Variants in PPM1L observed in about 807,000 individuals in gnomAD.
PPM1L encodes the protein protein phosphatase 1L.
PPM1L carries 13 observed loss-of-function variants against 31.4 expected under a neutral mutation model. The observed-to-expected ratio is 0.41, with a 90% confidence interval of 0.27 to 0.66. The LOEUF (loss-of-function observed/expected upper bound fraction) is 0.66. Ranked by LOEUF, PPM1L falls within the 30% of genes least tolerant of loss-of-function variation. The pLI is 0.29. For missense variants in PPM1L, 326 were observed against 453.7 expected, an observed-to-expected ratio of 0.72 and a Z score of 2.56; for synonymous variants, 184 against 175.4, an observed-to-expected ratio of 1.05 and a Z score of -0.39.
In PPM1L at chr3:161,077,952, A is replaced by G. The variant is rs1720159797; in HGVS notation, c.*8795A>G. On this transcript the variant is annotated 3_prime_UTR_variant, in exon 4 of 4. Transcript: ENST00000498165. ...TATGCCAATGGCTTTTTAAATCCAAATAATACTAGTTATTGCCAAATTGCA... is the reference window on the plus strand; with the variant it reads ...TATGCCAATGGCTTTTTAAATCCAAGTAATACTAGTTATTGCCAAATTGCA... 1 of 152,228 alleles carries G rather than the reference A, an allele frequency of 6.6e-6. No homozygotes were observed. Among genetic ancestry groups the G allele is most frequent in the East Asian group, 1.9e-4 (1 of 5,196 alleles). 9.4% of individuals were successfully genotyped at this position (152,228 alleles called of 1,614,324 possible).
intron 2 of PPM1L, among the ~76,000 whole-genome samples, chr3:161,050,453 GT>G (rs1719237444): frequency 6.6e-6 from 1 of 151,938 alleles, no homozygotes; most frequent in African/African-American, 2.4e-5. Context: ...TTTCAGAAAA[GT>G]TTTTTTAAAA....
intron 1 of PPM1L, among the ~76,000 whole-genome samples, chr3:160,820,429 A>G (rs1713160131): frequency 1.3e-5 from 2 of 152,094 alleles, no homozygotes; most frequent in African/African-American, 4.8e-5. Flanking sequence ...AGAACCCCAT[A>G]TTCACAGTAC....
At chr3:161,066,437 C>T (rs1576626998) in intron 3 of PPM1L, among the ~76,000 whole-genome samples, 1 of 152,128 alleles carries the variant, frequency 6.6e-6, no homozygotes, top group Non-Finnish European at 1.5e-5. Flanking sequence ...TTGATAACTG[C>T]TATGGAAAGA....
intron 1 of PPM1L, among the ~76,000 whole-genome samples, chr3:160,895,790 A>G (rs1391230581): frequency 6.6e-6 from 1 of 152,212 alleles, no homozygotes; most frequent in Admixed American, 6.5e-5. Context: ...AAATTGAAAA[A>G]TGCAGTCTAA....
intron 2 of PPM1L, among the ~76,000 whole-genome samples, chr3:160,972,228 T>C (rs1559908714): frequency 2.6e-5 from 4 of 152,220 alleles, no homozygotes. Flanking sequence ...CTTTAAGTTT[T>C]AGGGTACATG....
At chr3:160,817,076 T>C (rs1052655641) in intron 1 of PPM1L, among the ~76,000 whole-genome samples, 15 of 152,062 alleles carry the variant, frequency 9.9e-5, no homozygotes, top group Non-Finnish European at 1.8e-4. Flanking sequence ...GAGGAAAACA[T>C]GTGGAGAGAA....
chr3:160,923,857 C>A (rs1382032760), intron 1 of PPM1L, among the ~76,000 whole-genome samples: 1 of 152,130 alleles, frequency 6.6e-6, no homozygotes, highest in East Asian at 1.9e-4. Context: ...CAGTCCTCTC[C>A]TTGGGCTCTG....
At chr3:161,037,764 G>A (rs1383804551) in intron 2 of PPM1L, among the ~76,000 whole-genome samples, 1 of 151,666 alleles carries the variant, frequency 6.6e-6, no homozygotes, top group African/African-American at 2.4e-5. Context: ...CTGACAGCTT[G>A]ACCACAAGCT....
chr3:160,830,387 G>C (rs532591739), intron 1 of PPM1L, among the ~76,000 whole-genome samples: 1 of 152,270 alleles, frequency 6.6e-6, no homozygotes, highest in African/African-American at 2.4e-5. Flanking sequence ...TGTATTAGTA[G>C]CAGTGACAAC....
chr3:160,821,934 A>G (rs909078556), intron 1 of PPM1L, among the ~76,000 whole-genome samples: 1 of 151,992 alleles, frequency 6.6e-6, no homozygotes, highest in Admixed American at 6.6e-5. Context: ...TATCTATATA[A>G]TTTCGTTTAA....
chr3:161,026,493 C>G, intron 2 of PPM1L, among the ~76,000 whole-genome samples: 1 of 152,046 alleles, frequency 6.6e-6, no homozygotes, highest in East Asian at 1.9e-4. Flanking sequence ...GTCAAGAGCT[C>G]AAGACCAGCC....
At chr3:160,928,474 T>C (rs1714674073) in intron 1 of PPM1L, among the ~76,000 whole-genome samples, 1 of 152,234 alleles carries the variant, frequency 6.6e-6, no homozygotes, top group Admixed American at 6.5e-5. Flanking sequence ...AGTATGGTAT[T>C]GCTGTAAGGA....
intron 1 of PPM1L, among the ~76,000 whole-genome samples, chr3:160,885,243 G>A (rs1712872550): frequency 6.6e-6 from 1 of 151,938 alleles, no homozygotes; most frequent in Non-Finnish European, 1.5e-5. Context: ...TTTTGGGTAA[G>A]AAAACCTTTT....
chr3:160,756,802 G>A lies in PPM1L; in HGVS notation c.399+95G>A, dbSNP rs538123695. 6.8e-5 allele frequency: 73 copies of A among 1,069,114 alleles called. No homozygotes were observed. The highest frequency in any genetic ancestry group is 2.8e-4 in the South Asian group (16 of 57,948). 66.2% of individuals were successfully genotyped at this position (1,069,114 alleles called of 1,614,324 possible). ...GTGTGTGTGTGTGTATAAACAACAGGACAGCGTGTGCGCAGCGGGAGAGGA... is the reference window on the plus strand; with the variant it reads ...GTGTGTGTGTGTGTATAAACAACAGAACAGCGTGTGCGCAGCGGGAGAGGA... On this transcript the variant is annotated intron_variant, in intron 1 of 3. Transcript: ENST00000498165. The surrounding 1 kb of genome is among the most constrained non-coding windows in gnomAD (Gnocchi z 6.2).
chr3:160,912,689 G>T (rs6809177), intron 1 of PPM1L, among the ~76,000 whole-genome samples: 61,482 of 152,108 alleles, frequency 0.4, 14,309 homozygotes, highest in Non-Finnish European at 0.54. Context: ...AGAAATTGAT[G>T]AAGAAGCGAT....
intron 2 of PPM1L, among the ~76,000 whole-genome samples, chr3:160,981,523 G>C (rs767175705): frequency 1.6e-4 from 24 of 152,250 alleles, no homozygotes; most frequent in Non-Finnish European, 2.9e-4. Flanking sequence ...GTATACCACA[G>C]TTTCTGACAG....
At chr3:160,971,262 T>C (rs1180730336) in intron 2 of PPM1L, among the ~76,000 whole-genome samples, 2 of 152,234 alleles carry the variant, frequency 1.3e-5, no homozygotes, top group Non-Finnish European at 2.9e-5. Context: ...TTCTTAAATC[T>C]CTTCCAGTCG....
At chr3:161,007,529 A>G (rs1292130320) in intron 2 of PPM1L, among the ~76,000 whole-genome samples, 1 of 152,238 alleles carries the variant, frequency 6.6e-6, no homozygotes, top group African/African-American at 2.4e-5. Context: ...TTTTTGGGTC[A>G]TTATATAGAC....
At chr3:160,889,241 AATAG>A (rs1164664916) in intron 1 of PPM1L, among the ~76,000 whole-genome samples, 21 of 152,302 alleles carry the variant, frequency 1.4e-4, no homozygotes, top group South Asian at 2.1e-4. Flanking sequence ...AAATTAATAA[AATAG>A]ATAGACCACT....
Sources: gnomAD v4.1 joint callset for allele counts (sites outside exome capture counted in the v4.1 genomes callset) on GRCh38, gnomAD v4.1.1 for gene constraint, Gnocchi (gnomAD v3.1) non-coding constraint, MANE v1.5 for transcripts, NCBI Gene and HGNC (gene_info 2026-07-23, HGNC 2026-07-21) for gene names.